The following SH3PXD2A variants were observed in gnomAD, a reference collection of about 807,000 sequenced individuals.
SH3PXD2A encodes SH3 and PX domains 2A, also known as SH3 and PX domain-containing protein 2A.
In SH3PXD2A, 32 loss-of-function variants were observed where a neutral mutation model predicts 115.2. That is an observed-to-expected ratio of 0.28 (90% confidence interval 0.21 to 0.37). The LOEUF (loss-of-function observed/expected upper bound fraction) is 0.37. Among genes scored for constraint, SH3PXD2A ranks in the 10% least tolerant of loss-of-function variants. The probability of loss-of-function intolerance (pLI) is 1.00; values close to 1 mark genes in which losing one functional copy is unlikely to be tolerated. For missense variants in SH3PXD2A, 1,328 were observed against 1,498.7 expected (o/e 0.89, Z 1.88); for synonymous variants, 610 against 629.1 (o/e 0.97, Z 0.45).
At chr10:103,729,154 C>A (rs1488078843) in intron 4 of SH3PXD2A, among the ~76,000 whole-genome samples, 3 of 152,162 alleles carry the variant, frequency 2.0e-5, no homozygotes, top group African/African-American at 7.2e-5. Flanking sequence ...CCTGCCTCGG[C>A]CTCCCAAAGT....
At position 103,602,927 on chromosome 10, in the gene SH3PXD2A, C is replaced by T. The variant is rs371640427; in HGVS notation, c.2291G>A (p.Arg764Gln). 9.9e-6 allele frequency: 16 copies of T among 1,614,060 alleles called. No homozygotes were observed. The highest frequency in any genetic ancestry group is 1.6e-4 in the Middle Eastern group (1 of 6,084). ...PSVRPKPFLNRAESQSQEKMD... is the reference protein window; with the variant it reads ...PSVRPKPFLNQAESQSQEKMD... ...CTTCTCTTGGCTCTGCGACTCTGCT[C>T]GGTTTAGGAATGGCTTGGGCCGGAC... Residue 764 changes from arginine to glutamine, a missense_variant, in exon 15 of 15, where the codon CGA (arginine) becomes CAA (glutamine). By Grantham distance (43) the Arg-to-Gln change is conservative. Around this residue, in one of 5 missense-constraint regions of SH3PXD2A, gnomAD observed 574 missense variants for 565.7 expected, o/e 1.01. Transcript: ENST00000369774.
rs756435651 is a variant in SH3PXD2A at position 103,627,064 on chromosome 10, G to C, written c.718+25C>G. 1 of 1,339,946 alleles carries C rather than the reference G, an allele frequency of 7.5e-7. No individual in the cohort carries two copies. The highest frequency in any genetic ancestry group is 1.7e-5 in the Admixed American group (1 of 59,542). 83.0% of individuals were successfully genotyped at this position (1,339,946 alleles called of 1,614,324 possible). A position where few individuals can be genotyped will look rare whatever the true frequency, so the allele number is the denominator to read the frequency against. On this transcript the variant is annotated intron_variant, in intron 9 of 14. Coordinates refer to ENST00000369774, the MANE Select transcript of SH3PXD2A (RefSeq NM_001394015.1). This position sits in a 1 kb window ranked among gnomAD's most constrained non-coding sequence, Gnocchi z 4.4. ...GCCTCCAGAGGCCGCGTTGCTCCCT[G>C]CCCCTTGGACCTGCAAGCCCTCACC...
chr10:103,674,851 A>C (rs898802946), intron 6 of SH3PXD2A, among the ~76,000 whole-genome samples: 12 of 150,124 alleles, frequency 8.0e-5, no homozygotes, highest in African/African-American at 3.0e-4. Context: ...AACAAACAAA[A>C]CAAAATAAAA....
chr10:103,788,487 C>CT (rs2039001380), intron 2 of SH3PXD2A, among the ~76,000 whole-genome samples: 1 of 152,162 alleles, frequency 6.6e-6, no homozygotes, highest in African/African-American at 2.4e-5. Flanking sequence ...GATCTAAAAT[C>CT]TTTTTTCCTT....
At chr10:103,843,736 C>T (rs1263565458) in intron 1 of SH3PXD2A, among the ~76,000 whole-genome samples, 1 of 152,160 alleles carries the variant, frequency 6.6e-6, no homozygotes, top group Non-Finnish European at 1.5e-5. Context: ...CCTAGCTCCC[C>T]ATCCCCTAGG....
chr10:103,732,823 G>A (rs1046123975), intron 4 of SH3PXD2A, among the ~76,000 whole-genome samples: 1 of 152,226 alleles, frequency 6.6e-6, no homozygotes, highest in African/African-American at 2.4e-5. Context: ...ACAAAGGCAG[G>A]TAGAGACAGG....
intron 1 of SH3PXD2A, among the ~76,000 whole-genome samples, chr10:103,813,461 C>T (rs780639171): frequency 1.2e-4 from 18 of 152,126 alleles, no homozygotes; most frequent in Non-Finnish European, 8.8e-5. Context: ...GGACTATCGG[C>T]ATGTGCCACC....
At chr10:103,835,362 C>T (rs771456663) in intron 1 of SH3PXD2A, among the ~76,000 whole-genome samples, 7 of 152,204 alleles carry the variant, frequency 4.6e-5, no homozygotes, top group Non-Finnish European at 7.3e-5. Flanking sequence ...CTCACAATGA[C>T]GAAATGTCCA....
rs535396410 is a variant in SH3PXD2A at position 103,838,756 on chromosome 10, C to A, written c.72+16439G>T. Among the ~76,000 whole-genome samples, 49 of 152,326 alleles carry A rather than the reference C, an allele frequency of 3.2e-4. 2 individuals are homozygous for A. The South Asian group carries it at 9.7e-3, about 30-fold the overall frequency. On this transcript the variant is annotated intron_variant, in intron 1 of 14. Coordinates refer to ENST00000369774, the MANE Select transcript of SH3PXD2A (RefSeq NM_001394015.1). ...TCTTTACCAGGCATCGGTGTGCCCA[C>A]GGCGGCATCTGGCACTGTGGCCCAA...
intron 7 of SH3PXD2A, among the ~76,000 whole-genome samples, chr10:103,662,439 C>A (rs1287578749): frequency 8.1e-6 from 1 of 123,052 alleles, no homozygotes; most frequent in Non-Finnish European, 1.6e-5. Flanking sequence ...GTCGCCCAGG[C>A]CGGACTGCGG....
intron 8 of SH3PXD2A, among the ~76,000 whole-genome samples, chr10:103,642,827 T>G (rs1323544747): frequency 6.6e-6 from 1 of 152,196 alleles, no homozygotes; most frequent in Non-Finnish European, 1.5e-5. Flanking sequence ...CGAGTTTGTA[T>G]ATTTTTCCCC....
intron 5 of SH3PXD2A, among the ~76,000 whole-genome samples, chr10:103,722,137 C>T (rs987366782): frequency 6.6e-6 from 1 of 151,896 alleles, no homozygotes; most frequent in African/African-American, 2.4e-5. Flanking sequence ...AACCCCGTCT[C>T]TACTAAAAAT....
chr10:103,646,270 C>T lies in SH3PXD2A; in HGVS notation c.604+14713G>A, dbSNP rs181650551. Among the ~76,000 whole-genome samples the T allele has an allele frequency of 4.3e-4, 65 of 152,240 alleles. 1 individual carries two copies. The highest frequency in any genetic ancestry group is 1.4e-3 in the African/African-American group (59 of 41,532). On this transcript the variant is annotated intron_variant, in intron 8 of 14. Transcript: ENST00000369774. ...AGCGGCTTCCTGCCCCATTCCCTTC[C>T]TGTCTCTTTTGCCTCTGGGAACCAT...
At chr10:103,662,609 C>T (rs908472379) in intron 7 of SH3PXD2A, among the ~76,000 whole-genome samples, 2 of 150,930 alleles carry the variant, frequency 1.3e-5, no homozygotes, top group Non-Finnish European at 3.0e-5. Flanking sequence ...CCTTGTTAGC[C>T]AGGATGGTCT....
chr10:103,601,801 A>G lies in SH3PXD2A; in HGVS notation c.*15T>C. On this transcript the variant is annotated 3_prime_UTR_variant, in exon 15 of 15. Transcript: ENST00000369774. ...CAGAGAGGCACACTGAGGCTGGAAG[A>G]GCCCAGGCCCTCTGCTAGTTCTTTT... 6.5e-7 allele frequency: 1 copy of G among 1,531,030 alleles called. No homozygotes were observed. The highest frequency in any genetic ancestry group is 8.8e-7 in the Non-Finnish European group (1 of 1,138,126). The allele number at this position is 1,531,030 out of a possible 1,614,324, so 94.8% of individuals were successfully genotyped here.
rs940590627 is a variant in SH3PXD2A at position 103,601,268 on chromosome 10, C to G, written c.*548G>C. ...TTGAGCTCAGAAGACACCCCCAAGC[C>G]TGAAAGCCAGTGGTGGCTTCTAATG... On this transcript the variant is annotated 3_prime_UTR_variant, in exon 15 of 15. Transcript: ENST00000369774. 8 of 152,564 alleles carry G rather than the reference C, an allele frequency of 5.2e-5. No individual in the cohort carries two copies. The highest frequency in any genetic ancestry group is 1.9e-4 in the African/African-American group (8 of 41,464). 9.5% of individuals were successfully genotyped at this position (152,564 alleles called of 1,614,324 possible). A position where few individuals can be genotyped will look rare whatever the true frequency, so the allele number is the denominator to read the frequency against.
rs79615908 is a variant in SH3PXD2A at position 103,762,014 on chromosome 10, CTTTTTTTT to C, written c.229+5072_229+5079del. Among the ~76,000 whole-genome samples, 13 of 90,686 alleles carry C rather than the reference CTTTTTTTT, an allele frequency of 1.4e-4. 1 individual carries two copies. Among genetic ancestry groups the C allele is most frequent in the African/African-American group, 3.7e-4 (9 of 24,356 alleles). The allele number at this position is 90,686 out of a possible 152,430, so 59.5% of individuals were successfully genotyped here. A position where few individuals can be genotyped will look rare whatever the true frequency, so the allele number is the denominator to read the frequency against. ...CACACACTAGGAGCAATCAACACGT[CTTTTTTTT>C]TTTTTTTTTTTTTTTTTTGATACAG... is the stretch of plus-strand genomic sequence containing the variant. On this transcript the variant is annotated intron_variant, in intron 3 of 14. Transcript: ENST00000369774.
chr10:103,687,171 C>G lies in SH3PXD2A; in HGVS notation c.427+5857G>C, dbSNP rs540854286. Among the ~76,000 whole-genome samples, 174 of 152,294 alleles carry G rather than the reference C, an allele frequency of 1.1e-3. 1 individual carries two copies. The highest frequency in any genetic ancestry group is 4.0e-3 in the African/African-American group (166 of 41,544). On this transcript the variant is annotated intron_variant, in intron 6 of 14. Transcript: ENST00000369774. ...AAGGCCTTCAGCAGAGTGAAGGTTT[C>G]CCTGAAGACATTTCATCTGCGGACA...
Position 103,828,111 on chromosome 10 carries a change from A to T in SH3PXD2A, c.73-26749T>A, listed in dbSNP as rs969641886. ...GGGAGAGAGGAAAGTCTACGTAATA[A>T]GATGCTACAGTTCTCTGTTTTTGTA... On this transcript the variant is annotated intron_variant, in intron 1 of 14. Transcript: ENST00000369774. Among the ~76,000 whole-genome samples, 3 of 152,208 alleles carry T rather than the reference A, an allele frequency of 2.0e-5. No homozygotes were observed. The East Asian group carries it at 5.8e-4, about 29-fold the overall frequency.
Sources: gnomAD v4.1 joint callset for allele counts (sites outside exome capture counted in the v4.1 genomes callset) on GRCh38, gnomAD v4.1.1 for gene constraint, gnomAD v4.1.1 regional missense constraint, Gnocchi (gnomAD v3.1) non-coding constraint, MANE v1.5 for transcripts, NCBI Gene and HGNC (gene_info 2026-07-23, HGNC 2026-07-21) for gene names.